Variants in ITGA11 observed in about 807,000 individuals in gnomAD.
ITGA11 encodes integrin subunit alpha 11.
In ITGA11, 97 loss-of-function variants were observed where a neutral mutation model predicts 141.9. That is an observed-to-expected ratio of 0.68 (90% confidence interval 0.58 to 0.81). The LOEUF is 0.81. Among genes scored for constraint, ITGA11 ranks in the 30% least tolerant of loss-of-function variants. The probability of loss-of-function intolerance (pLI) is 0.00; values close to 1 mark genes in which losing one functional copy is unlikely to be tolerated. For synonymous variants in ITGA11, 658 were observed against 624.6 expected, an observed-to-expected ratio of 1.05 and a Z score of -0.80; for missense variants, 1,387 against 1,559.2, an observed-to-expected ratio of 0.89 and a Z score of 1.86.
chr15:68,329,049 G>T (rs1370114871), intron 15 of ITGA11, among the ~76,000 whole-genome samples: 1 of 152,198 alleles, frequency 6.6e-6, no homozygotes, highest in Non-Finnish European at 1.5e-5. Flanking sequence ...AGGTTTCATA[G>T]CTTCAACATG....
intron 10 of ITGA11, among the ~76,000 whole-genome samples, chr15:68,347,434 C>T (rs1180668134): frequency 5.3e-5 from 8 of 152,140 alleles, no homozygotes; most frequent in African/African-American, 1.2e-4. Context: ...AAGTTTAAAC[C>T]GCTGTGCACA....
At chr15:68,364,655 C>A in intron 4 of ITGA11, 52 bp downstream of exon 4, 2 of 1,179,626 alleles carry the variant, frequency 1.7e-6, no homozygotes, top group South Asian at 1.3e-5. Flanking sequence ...CCACCCCTCC[C>A]CACCCCCACC....
At chr15:68,357,345 C>A in intron 6 of ITGA11, 46 bp from the exon 7 acceptor site, 1 of 1,580,234 alleles carries the variant, frequency 6.3e-7, no homozygotes, top group Non-Finnish European at 8.6e-7. Flanking sequence ...ACCCCATGAA[C>A]CCATGAACCT....
At position 68,300,017 on chromosome 15, in the gene ITGA11, G is replaced by C. The variant is rs1049983194; in HGVS notation, c.*3042C>G. 5 of 152,196 alleles carry C rather than the reference G, an allele frequency of 3.3e-5. No individual in the cohort carries two copies. The highest frequency in any genetic ancestry group is 7.3e-5 in the Non-Finnish European group (5 of 68,032). The allele number at this position is 152,196 out of a possible 1,614,324, so 9.4% of individuals were successfully genotyped here. A position where few individuals can be genotyped will look rare whatever the true frequency, so the allele number is the denominator to read the frequency against. ...CTGGCTGCCATCAAGATAGTCCCCAGCACAGTTGAAGGGCATCTAAAGACA... is the reference window on the plus strand; with the variant it reads ...CTGGCTGCCATCAAGATAGTCCCCACCACAGTTGAAGGGCATCTAAAGACA... On this transcript the variant is annotated 3_prime_UTR_variant, in exon 30 of 30. Coordinates refer to ENST00000315757, the MANE Select transcript of ITGA11 (RefSeq NM_001004439.2).
chr15:68,400,623 TATAATAA>T (rs1184603552), intron 2 of ITGA11, among the ~76,000 whole-genome samples: 8 of 85,350 alleles, frequency 9.4e-5, no homozygotes, highest in South Asian at 2.7e-4. Flanking sequence ...ATATATATTA[TATAATAA>T]ATATTATAAT....
chr15:68,300,438 G>T lies in ITGA11; in HGVS notation c.*2621C>A, dbSNP rs1178394344. The T allele has an allele frequency of 6.6e-6, 1 of 152,198 alleles. No individual in the cohort carries two copies. The highest frequency in any genetic ancestry group is 1.9e-4 in the East Asian group (1 of 5,202). The allele number at this position is 152,198 out of a possible 1,614,324, so 9.4% of individuals were successfully genotyped here. On this transcript the variant is annotated 3_prime_UTR_variant, in exon 30 of 30. Transcript: ENST00000315757. ...TGAAATTGGGATCCATAGTGGGTAG[G>T]GCCCTTGCAGTGGTCACTTTTAAAG...
In ITGA11 at chr15:68,384,903, T is replaced by C. The variant is rs74764039; in HGVS notation, c.165-15619A>G. On this transcript the variant is annotated intron_variant, in intron 2 of 29. Transcript: ENST00000315757. ...GCCTGGCAGCCTGCACTGTCACTGATGAAAAAGGGCAGACTTGTGTAAGAT... is the reference window on the plus strand; with the variant it reads ...GCCTGGCAGCCTGCACTGTCACTGACGAAAAAGGGCAGACTTGTGTAAGAT... Among the ~76,000 whole-genome samples the C allele has an allele frequency of 3.8e-3, 573 of 152,306 alleles. 24 individuals are homozygous for C. The East Asian group carries it at 0.092, about 25-fold the overall frequency.
At chr15:68,310,939 C>CATT in intron 26 of ITGA11, 55 bp downstream of exon 26, 1 of 1,378,834 alleles carries the variant, frequency 7.3e-7, no homozygotes, top group Non-Finnish European at 1.0e-6. Flanking sequence ...CGCAGAGCAC[C>CATT]GGCGGCACGC....
At chr15:68,391,621 C>T (rs1384239221) in intron 2 of ITGA11, among the ~76,000 whole-genome samples, 1 of 152,156 alleles carries the variant, frequency 6.6e-6, no homozygotes, top group African/African-American at 2.4e-5. Flanking sequence ...TATGTGTTAT[C>T]ACAGAAAAGG....
intron 1 of ITGA11, among the ~76,000 whole-genome samples, chr15:68,428,515 T>G (rs935451079): frequency 1.9e-4 from 29 of 151,690 alleles, no homozygotes; most frequent in African/African-American, 7.0e-4. Flanking sequence ...AGAAAAAGAG[T>G]GAGACTCCAG....
chr15:68,336,643 C>A (rs775078079), intron 11 of ITGA11, among the ~76,000 whole-genome samples: 1 of 152,196 alleles, frequency 6.6e-6, no homozygotes, highest in Non-Finnish European at 1.5e-5. Context: ...GTGTGGAAAG[C>A]CGATGGCATC....
At chr15:68,408,533 G>A (rs1896698349) in intron 1 of ITGA11, among the ~76,000 whole-genome samples, 1 of 152,076 alleles carries the variant, frequency 6.6e-6, no homozygotes, top group African/African-American at 2.4e-5. Flanking sequence ...ATCAGCTTGG[G>A]AGAGTGGCTC....
rs1567127467 is a variant in ITGA11 at position 68,321,053 on chromosome 15, C to CG, written c.2408+364dup. ...TGGAAAGCCCAAGGTGTTCAGCCAGCGGGCCTAGAGGTCACCTCATCTGGG... is the reference window on the plus strand; with the variant it reads ...TGGAAAGCCCAAGGTGTTCAGCCAGCGGGGCCTAGAGGTCACCTCATCTGGG... On this transcript the variant is annotated intron_variant, in intron 19 of 29. Coordinates refer to ENST00000315757, the MANE Select transcript of ITGA11 (RefSeq NM_001004439.2). This position sits in a 1 kb window ranked among gnomAD's most constrained non-coding sequence, Gnocchi z 4.9. Among the ~76,000 whole-genome samples, 1 of 152,090 alleles carries CG rather than the reference C, an allele frequency of 6.6e-6. No individual in the cohort carries two copies. The highest frequency in any genetic ancestry group is 1.5e-5 in the Non-Finnish European group (1 of 68,022).
At chr15:68,323,535 T>G (rs1516869) in intron 18 of ITGA11, among the ~76,000 whole-genome samples, 1 of 151,954 alleles carries the variant, frequency 6.6e-6, no homozygotes, top group Non-Finnish European at 1.5e-5. Flanking sequence ...AAGTAAGACT[T>G]TGTAGAATGA....
Position 68,302,969 on chromosome 15 carries a change from G to C in ITGA11, c.*90C>G. On this transcript the variant is annotated 3_prime_UTR_variant, in exon 30 of 30. Coordinates refer to ENST00000315757, the MANE Select transcript of ITGA11 (RefSeq NM_001004439.2). ...TGCAAAGCCAGCTGGCTTCCTCTCC[G>C]CTCCAGCTCGGTGGGGCCACAGGCC... 2 of 1,086,632 alleles carry C rather than the reference G, an allele frequency of 1.8e-6. No homozygotes were observed. Among genetic ancestry groups the C allele is most frequent in the Non-Finnish European group, 2.7e-6 (2 of 751,628 alleles). The allele number at this position is 1,086,632 out of a possible 1,614,324, so 67.3% of individuals were successfully genotyped here.
intron 2 of ITGA11, among the ~76,000 whole-genome samples, chr15:68,378,703 G>T (rs1400396917): frequency 6.6e-6 from 1 of 151,936 alleles, no homozygotes; most frequent in African/African-American, 2.4e-5. Flanking sequence ...ATAAATAAAA[G>T]GCCTCCACAC....
intron 1 of ITGA11, among the ~76,000 whole-genome samples, chr15:68,417,029 T>C (rs1430713739): frequency 6.6e-6 from 1 of 150,668 alleles, no homozygotes; most frequent in Non-Finnish European, 1.5e-5. Flanking sequence ...GGACCTCCTC[T>C]TTTTTTTTGA....
In ITGA11 at chr15:68,325,355, C is replaced by T; in HGVS notation, c.2212-114G>A. On this transcript the variant is annotated intron_variant, in intron 17 of 29. Coordinates refer to ENST00000315757, the MANE Select transcript of ITGA11 (RefSeq NM_001004439.2). The surrounding 1 kb of genome is among the most constrained non-coding windows in gnomAD (Gnocchi z 5.5). ...CTTCCTTAGATGGCAGGGCAGCTGC[C>T]CTGTGCCCTCAGGGTGAGTCTGCAG... is the stretch of plus-strand genomic sequence containing the variant. 1 of 725,020 alleles carries T rather than the reference C, an allele frequency of 1.4e-6. No individual in the cohort carries two copies. Among genetic ancestry groups the T allele is most frequent in the Non-Finnish European group, 2.5e-6 (1 of 407,358 alleles). 44.9% of individuals were successfully genotyped at this position (725,020 alleles called of 1,614,324 possible). A position where few individuals can be genotyped will look rare whatever the true frequency, so the allele number is the denominator to read the frequency against.
rs753461884 is a variant in ITGA11 at position 68,332,259 on chromosome 15, G to A, written c.1566+79C>T. The A allele has an allele frequency of 1.4e-4, 212 of 1,486,830 alleles. No individual in the cohort carries two copies. In the East Asian group the frequency reaches 4.3e-3, roughly 30 times the overall value. The allele number at this position is 1,486,830 out of a possible 1,614,324, so 92.1% of individuals were successfully genotyped here. ...CTCCAGCACTGGCCTCGCTAGTAAC[G>A]CATTTCCGTCGTGGCTACCCAAGTC... On this transcript the variant is annotated intron_variant, in intron 13 of 29. Transcript: ENST00000315757.
Sources: gnomAD v4.1 joint callset for allele counts (sites outside exome capture counted in the v4.1 genomes callset) on GRCh38, gnomAD v4.1.1 for gene constraint, Gnocchi (gnomAD v3.1) non-coding constraint, MANE v1.5 for transcripts, NCBI Gene and HGNC (gene_info 2026-07-23, HGNC 2026-07-21) for gene names.